SGCZ: variants seen among roughly 807,000 people sequenced by gnomAD.
SGCZ encodes sarcoglycan zeta, also known as zeta-sarcoglycan.
Under a neutral mutation model 41.3 loss-of-function variants are expected in SGCZ, and 40 were observed. That is an observed-to-expected ratio of 0.97 (90% confidence interval 0.75 to 1.26). SGCZ has a LOEUF of 1.26. Among genes scored for constraint, SGCZ ranks in the 50% most tolerant of loss-of-function variants. SGCZ has a pLI of 0.00. For synonymous variants in SGCZ, 206 were observed against 137.5 expected (o/e 1.50, Z -3.49); for missense variants, 552 against 369.8 (o/e 1.49, Z -4.04).
intron 1 of SGCZ, among the ~76,000 whole-genome samples, chr8:14,681,131 A>G (rs1171129874): frequency 6.6e-6 from 1 of 152,162 alleles, no homozygotes; most frequent in Non-Finnish European, 1.5e-5. Context: ...ACAACTGTAA[A>G]TTAAAGAAAA....
At chr8:14,387,700 C>T (rs1025761686) in intron 2 of SGCZ, among the ~76,000 whole-genome samples, 2 of 151,680 alleles carry the variant, frequency 1.3e-5, no homozygotes, top group Non-Finnish European at 2.9e-5. Context: ...TTGAGGAGCA[C>T]AAAAAGTACA....
chr8:14,099,716 A>ACTC (rs920802103), intron 7 of SGCZ, among the ~76,000 whole-genome samples: 16 of 151,648 alleles, frequency 1.1e-4, no homozygotes, highest in African/African-American at 3.6e-4. Flanking sequence ...CAAGAGCGAG[A>ACTC]CTCTGTCTCA....
chr8:14,860,330 A>T (rs1030691850), intron 1 of SGCZ, among the ~76,000 whole-genome samples: 2 of 151,794 alleles, frequency 1.3e-5, no homozygotes, highest in African/African-American at 4.8e-5. Context: ...TACCTTTCTG[A>T]TGCATCACCA....
At chr8:14,296,060 G>C (rs956479462) in intron 3 of SGCZ, among the ~76,000 whole-genome samples, 1 of 152,110 alleles carries the variant, frequency 6.6e-6, no homozygotes, top group Non-Finnish European at 1.5e-5. Context: ...AATACCCAGA[G>C]TTTAGAATTG....
chr8:14,502,640 G>A (rs1230680601), intron 2 of SGCZ, among the ~76,000 whole-genome samples: 6 of 151,962 alleles, frequency 3.9e-5, no homozygotes, highest in African/African-American at 1.5e-4. Context: ...AAAAGTGGGC[G>A]AAGAATAGAA....
intron 1 of SGCZ, among the ~76,000 whole-genome samples, chr8:14,756,370 A>C (rs1312007122): frequency 6.6e-6 from 1 of 152,018 alleles, no homozygotes; most frequent in Non-Finnish European, 1.5e-5. Context: ...TTTTTAGTAG[A>C]GATGGGGTTT....
At chr8:14,954,493 G>A (rs1202842472) in intron 1 of SGCZ, among the ~76,000 whole-genome samples, 1 of 152,036 alleles carries the variant, frequency 6.6e-6, no homozygotes, top group African/African-American at 2.4e-5. Context: ...GTAAAAGATG[G>A]CAAAGTTATG....
At chr8:15,133,343 G>C (rs182835667) in intron 1 of SGCZ, among the ~76,000 whole-genome samples, 1 of 152,064 alleles carries the variant, frequency 6.6e-6, no homozygotes, top group Admixed American at 6.6e-5. Flanking sequence ...GTTTTCATAA[G>C]TCCAAAAACT....
intron 3 of SGCZ, among the ~76,000 whole-genome samples, chr8:14,276,634 G>C (rs1800243842): frequency 6.6e-6 from 1 of 152,072 alleles, no homozygotes; most frequent in African/African-American, 2.4e-5. Flanking sequence ...AAAAAATCCT[G>C]AACTATTTCC....
intron 1 of SGCZ, among the ~76,000 whole-genome samples, chr8:14,852,064 T>C (rs916079683): frequency 6.6e-6 from 1 of 152,194 alleles, no homozygotes; most frequent in East Asian, 1.9e-4. Context: ...TTGTTTTCAT[T>C]TTTTAAGTTA....
intron 1 of SGCZ, among the ~76,000 whole-genome samples, chr8:14,770,137 A>G (rs1374043358): frequency 8.1e-6 from 1 of 123,978 alleles, no homozygotes; most frequent in Non-Finnish European, 1.6e-5. Context: ...AATTATATCT[A>G]TTATATACAT....
At chr8:15,221,305 TG>T (rs1801593344) in intron 1 of SGCZ, among the ~76,000 whole-genome samples, 1 of 151,998 alleles carries the variant, frequency 6.6e-6, no homozygotes, top group Non-Finnish European at 1.5e-5. Context: ...TAAACTAACA[TG>T]GGAGTGGGGG....
At chr8:15,218,897 G>A (rs549431088) in intron 1 of SGCZ, among the ~76,000 whole-genome samples, 1 of 152,108 alleles carries the variant, frequency 6.6e-6, no homozygotes, top group Non-Finnish European at 1.5e-5. Flanking sequence ...ACTTGCCCAA[G>A]GTCACACAGC....
chr8:14,882,064 C>T (rs892705043), intron 1 of SGCZ, among the ~76,000 whole-genome samples: 1 of 152,184 alleles, frequency 6.6e-6, no homozygotes, highest in African/African-American at 2.4e-5. Flanking sequence ...TTCTGGGACG[C>T]AGCAAAAGCA....
intron 1 of SGCZ, among the ~76,000 whole-genome samples, chr8:15,022,288 T>C (rs1803281225): frequency 2.0e-5 from 3 of 152,206 alleles, no homozygotes; most frequent in South Asian, 4.1e-4. Context: ...GAAGAAAATG[T>C]TGAGAAATTT....
At chr8:14,108,648 G>A (rs1053790920) in intron 5 of SGCZ, among the ~76,000 whole-genome samples, 22 of 151,956 alleles carry the variant, frequency 1.4e-4, no homozygotes, top group Non-Finnish European at 2.4e-4. Flanking sequence ...CACAACACGT[G>A]GGCATTATAG....
At chr8:15,215,970 G>C (rs1204003659) in intron 1 of SGCZ, among the ~76,000 whole-genome samples, 2 of 152,000 alleles carry the variant, frequency 1.3e-5, no homozygotes, top group African/African-American at 4.8e-5. Context: ...ATCCTTGTTG[G>C]TTGCCTGACA....
chr8:14,763,262 G>C (rs930663910), intron 1 of SGCZ, among the ~76,000 whole-genome samples: 2 of 151,992 alleles, frequency 1.3e-5, no homozygotes, highest in Non-Finnish European at 2.9e-5. Context: ...GTGAGATACT[G>C]TTCATTGCAG....
intron 2 of SGCZ, among the ~76,000 whole-genome samples, chr8:14,485,954 G>C (rs1585579192): frequency 6.8e-6 from 1 of 147,250 alleles, no homozygotes; most frequent in African/African-American, 2.5e-5. Flanking sequence ...CCATTCTCCT[G>C]CCTCAGCCTC....
Sources: allele counts gnomAD v4.1 joint callset (sites outside exome capture counted in the v4.1 genomes callset), GRCh38; gene constraint gnomAD v4.1.1; transcripts MANE v1.5; gene names NCBI Gene and HGNC (gene_info 2026-07-23, HGNC 2026-07-21).